The following PTPRC variants were observed in gnomAD, a reference collection of about 807,000 sequenced individuals.
PTPRC encodes protein tyrosine phosphatase receptor type C.
In PTPRC, 44 loss-of-function variants were observed where a neutral mutation model predicts 155.9. That is an observed-to-expected ratio of 0.28 (90% CI 0.22 to 0.36). The LOEUF (loss-of-function observed/expected upper bound fraction) is 0.36, where lower values mean the gene tolerates loss of function less well. Among genes scored for constraint, PTPRC ranks in the 10% least tolerant of loss-of-function variants. PTPRC has a pLI of 1.00. For synonymous variants in PTPRC, 525 were observed against 533.1 expected (o/e 0.98, Z 0.21); for missense variants, 1,401 against 1,564.6 (o/e 0.90, Z 1.76).
At chr1:198,711,150 G>T (rs1470594276) in intron 11 of PTPRC, among the ~76,000 whole-genome samples, 1 of 152,154 alleles carries the variant, frequency 6.6e-6, no homozygotes, top group Admixed American at 6.5e-5. Flanking sequence ...ATGTAAAAAG[G>T]ATAGTTGAAG....
intron 23 of PTPRC, among the ~76,000 whole-genome samples, chr1:198,741,054 C>T (rs927912782): frequency 6.6e-6 from 1 of 151,786 alleles, no homozygotes. Context: ...TCTGGCCAAA[C>T]ACTTGTTTGA....
At chr1:198,718,874 CTG>C (rs928934316) in intron 14 of PTPRC, among the ~76,000 whole-genome samples, 3 of 152,052 alleles carry the variant, frequency 2.0e-5, no homozygotes, top group Admixed American at 2.0e-4. Flanking sequence ...AGTTTTAAAA[CTG>C]TATTTTTAAT....
chr1:198,648,377 A>G (rs544586121), intron 2 of PTPRC, among the ~76,000 whole-genome samples: 31 of 151,848 alleles, frequency 2.0e-4, no homozygotes, highest in African/African-American at 7.5e-4. Context: ...TGAGAGTTGT[A>G]GGGGGTGGGG....
chr1:198,667,706 C>T (rs12126485), intron 2 of PTPRC, among the ~76,000 whole-genome samples: 1 of 151,620 alleles, frequency 6.6e-6, no homozygotes, highest in African/African-American at 2.4e-5. Flanking sequence ...TATTTTATTT[C>T]TAGGACAAGA....
chr1:198,667,940 AT>A (rs777203600), intron 2 of PTPRC, among the ~76,000 whole-genome samples: 3 of 152,236 alleles, frequency 2.0e-5, no homozygotes, highest in Non-Finnish European at 4.4e-5. Context: ...AATCAGTCAT[AT>A]TTCTGCAAAG....
intron 2 of PTPRC, among the ~76,000 whole-genome samples, chr1:198,644,898 GA>G (rs1439777680): frequency 6.6e-6 from 1 of 151,706 alleles, no homozygotes; most frequent in Admixed American, 6.6e-5. Context: ...TCAAGTGTCT[GA>G]AAGGAAAAAG....
chr1:198,742,365 G>A lies in PTPRC; in HGVS notation c.2695G>A (p.Glu899Lys), dbSNP rs758824419. 6.2e-7 allele frequency: 1 copy of A among 1,611,866 alleles called. No individual in the cohort carries two copies. The highest frequency in any genetic ancestry group is 1.7e-5 in the Admixed American group (1 of 59,804). ...ACAGAGATGCCTGATGGTTCAAGTA[G>A]AGGTATGTTCTAACCTTTAGTGATT... ...RRQRCLMVQV[E>K]AQYILIHQAL... Residue 899 changes from glutamate to lysine, a missense_variant and splice_region_variant, in exon 25 of 33, where the codon GAG becomes AAG. Glu to Lys is a moderately conservative substitution (Grantham distance 56, BLOSUM62 1). This residue lies in a region of PTPRC where 134 missense variants were observed against 204.7 expected (regional missense o/e 0.65). Transcript: ENST00000442510.
At chr1:198,674,507 T>C (rs1018099198) in intron 2 of PTPRC, among the ~76,000 whole-genome samples, 4 of 148,444 alleles carry the variant, frequency 2.7e-5, no homozygotes, top group African/African-American at 9.8e-5. Flanking sequence ...TAACATATAA[T>C]AATATATATA....
At chr1:198,688,235 A>G (rs926781550) in intron 2 of PTPRC, among the ~76,000 whole-genome samples, 3 of 152,192 alleles carry the variant, frequency 2.0e-5, no homozygotes, top group African/African-American at 7.2e-5. Flanking sequence ...TCAGTGTACA[A>G]GCAAACACAT....
intron 23 of PTPRC, among the ~76,000 whole-genome samples, chr1:198,741,505 A>G (rs553332924): frequency 3.2e-4 from 49 of 151,784 alleles, no homozygotes; most frequent in African/African-American, 1.2e-3. Flanking sequence ...GCTTCCACCC[A>G]TGCACCCCAC....
At chr1:198,665,071 C>T (rs1051652451) in intron 2 of PTPRC, among the ~76,000 whole-genome samples, 1 of 146,272 alleles carries the variant, frequency 6.8e-6, no homozygotes, top group East Asian at 2.0e-4. Flanking sequence ...TTTAGAACAT[C>T]CCGGCAGCAT....
At chr1:198,669,703 A>G (rs1192046562) in intron 2 of PTPRC, among the ~76,000 whole-genome samples, 1 of 152,124 alleles carries the variant, frequency 6.6e-6, no homozygotes, top group Non-Finnish European at 1.5e-5. Context: ...TTTCCCCCAA[A>G]GAAAATGAAG....
At chr1:198,722,391 T>C in intron 14 of PTPRC, 25 bp from the exon 15 acceptor site, 1 of 1,335,778 alleles carries the variant, frequency 7.5e-7, no homozygotes, top group Non-Finnish European at 9.9e-7. Context: ...AACTAATTAT[T>C]TTATTTTTTG....
intron 31 of PTPRC, 89 bp from the exon 32 acceptor site, chr1:198,754,180 A>T: frequency 7.0e-7 from 1 of 1,437,508 alleles, no homozygotes; most frequent in Non-Finnish European, 9.6e-7. Flanking sequence ...TGAAGCAAAA[A>T]ATATATTCTC....
At position 198,718,160 on chromosome 1, in the gene PTPRC, G is replaced by T. The variant is rs1188651375; in HGVS notation, c.1517G>T (p.Arg506Met). 6.2e-7 allele frequency: 1 copy of T among 1,613,866 alleles called. No homozygotes were observed. The highest frequency in any genetic ancestry group is 8.5e-7 in the Non-Finnish European group (1 of 1,179,814). The change falls in exon 14 of 33, where the codon AGG becomes ATG. Residue 506 changes from arginine to methionine, a missense_variant. Around this residue, in one of 3 missense-constraint regions of PTPRC, gnomAD observed 867 missense variants for 970.4 expected, o/e 0.89. Coordinates refer to ENST00000442510, the MANE Select transcript of PTPRC (RefSeq NM_002838.5). ...GATAATAGTATGCATGTCAAGTGTAGGCCTCCCAGGGACCGTAATGGCCCC... is the reference window on the plus strand; with the variant it reads ...GATAATAGTATGCATGTCAAGTGTATGCCTCCCAGGGACCGTAATGGCCCC... The part of the protein sequence containing the change: ...TSDNSMHVKC[R>M]PPRDRNGPHE...
rs1418440588 is a variant in PTPRC, at chr1:198,648,710, CA to C, written c.73+9374del. ...AAGATTGTATGACTTTTATAAAAAA[CA>C]AAAAGACATCTTTGATTAATTTGTC... is the stretch of plus-strand genomic sequence containing the variant. On this transcript the variant is annotated intron_variant, in intron 2 of 32. Transcript: ENST00000442510. Among the ~76,000 whole-genome samples, 4 of 151,650 alleles carry C rather than the reference CA, an allele frequency of 2.6e-5. No individual in the cohort carries two copies. In the East Asian group the frequency reaches 7.8e-4, roughly 29 times the overall value.
chr1:198,751,207 A>G (rs187566767), intron 29 of PTPRC, among the ~76,000 whole-genome samples: 64 of 152,112 alleles, frequency 4.2e-4, no homozygotes, highest in African/African-American at 1.5e-3. Context: ...TCCTTTCTTT[A>G]TTCCCATATA....
intron 8 of PTPRC, 85 bp downstream of exon 8, chr1:198,704,583 C>CAGTG: frequency 6.2e-7 from 1 of 1,610,038 alleles, no homozygotes; most frequent in Non-Finnish European, 8.5e-7. Flanking sequence ...CTTTCAGGAC[C>CAGTG]CACTAGTAAG....
chr1:198,665,431 T>C (rs184783988), intron 2 of PTPRC, among the ~76,000 whole-genome samples: 184 of 152,254 alleles, frequency 1.2e-3, no homozygotes, highest in Non-Finnish European at 2.2e-3. Context: ...GAAGTCATTA[T>C]TGAGACCCTG....
Sources: allele counts gnomAD v4.1 joint callset (sites outside exome capture counted in the v4.1 genomes callset), GRCh38; gene constraint gnomAD v4.1.1; regional missense constraint gnomAD v4.1.1; transcripts MANE v1.5; gene names NCBI Gene and HGNC (gene_info 2026-07-23, HGNC 2026-07-21).